The following SETBP1 variants were observed in gnomAD, a reference collection of about 807,000 sequenced individuals.
SETBP1 encodes SET-binding protein.
SETBP1 carries 9 observed loss-of-function variants against 101.0 expected under a neutral mutation model. That is an observed-to-expected ratio of 0.09 (90% CI 0.05 to 0.16). SETBP1 has a LOEUF of 0.16. Among genes scored for constraint, SETBP1 ranks in the 10% least tolerant of loss-of-function variants. SETBP1 has a pLI of 1.00. For synonymous variants in SETBP1, 818 were observed against 788.5 expected (o/e 1.04, Z -0.63); for missense variants, 1,858 against 2,033.8 (o/e 0.91, Z 1.66).
At chr18:44,816,206 G>A (rs1255691671) in intron 2 of SETBP1, among the ~76,000 whole-genome samples, 1 of 152,184 alleles carries the variant, frequency 6.6e-6, no homozygotes, top group Non-Finnish European at 1.5e-5. Context: ...TTTTCATTCT[G>A]TGCTGCAGTC....
intron 4 of SETBP1, among the ~76,000 whole-genome samples, chr18:45,007,335 C>T (rs1025369761): frequency 2.6e-5 from 4 of 152,118 alleles, no homozygotes; most frequent in African/African-American, 9.7e-5. Context: ...GCTCTGTCTT[C>T]TTCTAAATGT....
intron 2 of SETBP1, among the ~76,000 whole-genome samples, chr18:44,838,640 C>T (rs1032676699): frequency 6.6e-6 from 1 of 152,162 alleles, no homozygotes; most frequent in East Asian, 1.9e-4. Flanking sequence ...TGCTTATTGC[C>T]GCTAAGAGAA....
chr18:45,043,846 G>A (rs1414233303), intron 5 of SETBP1, among the ~76,000 whole-genome samples: 4 of 152,136 alleles, frequency 2.6e-5, no homozygotes, highest in Admixed American at 2.6e-4. Flanking sequence ...TATGAAATCA[G>A]AATGAAATTC....
chr18:45,014,879 T>C (rs981529907), intron 4 of SETBP1, among the ~76,000 whole-genome samples: 3 of 152,218 alleles, frequency 2.0e-5, no homozygotes, highest in African/African-American at 7.2e-5. Flanking sequence ...GAAAAGGTCT[T>C]AGAGAGTGCC....
At chr18:44,830,634 C>G (rs1347019289) in intron 2 of SETBP1, among the ~76,000 whole-genome samples, 1 of 152,140 alleles carries the variant, frequency 6.6e-6, no homozygotes, top group Non-Finnish European at 1.5e-5. Context: ...CAGATGGAAG[C>G]TGGGTGGGAC....
chr18:44,925,616 A>T lies in SETBP1; in HGVS notation c.541-24265A>T, dbSNP rs1447527077. On this transcript the variant is annotated intron_variant, in intron 3 of 5. Coordinates refer to ENST00000649279, the MANE Select transcript of SETBP1 (RefSeq NM_015559.3). ...TTAGAAAGTCTGTAGAAATAATATG[A>T]TTTTAAAGATTATACTAAACATTAT... is the stretch of plus-strand genomic sequence containing the variant. Among the ~76,000 whole-genome samples the T allele has an allele frequency of 4.6e-5, 7 of 152,296 alleles. No individual in the cohort carries two copies. The East Asian group carries it at 1.3e-3, about 29-fold the overall frequency.
At position 45,063,777 on chromosome 18, in the gene SETBP1, C is replaced by A. The variant is rs900049637; in HGVS notation, c.*79C>A. On this transcript the variant is annotated 3_prime_UTR_variant, in exon 6 of 6. Coordinates refer to ENST00000649279, the MANE Select transcript of SETBP1 (RefSeq NM_015559.3). The stretch of plus-strand genomic sequence containing the variant: ...CAGTGAGCCGGGGCGGGGGCGGAAT[C>A]CCCCGCTGCAGGGACACCCACGCCC... The A allele has an allele frequency of 1.5e-4, 219 of 1,484,640 alleles. No individual in the cohort carries two copies. Among genetic ancestry groups the A allele is most frequent in the Non-Finnish European group, 1.9e-4 (210 of 1,096,358 alleles). The allele number at this position is 1,484,640 out of a possible 1,614,324, so 92.0% of individuals were successfully genotyped here.
intron 3 of SETBP1, among the ~76,000 whole-genome samples, chr18:44,879,660 G>A (rs1026176983): frequency 6.6e-6 from 1 of 152,140 alleles, no homozygotes; most frequent in Admixed American, 6.5e-5. Flanking sequence ...CCTTTCACTA[G>A]GCTGTTTATG....
chr18:44,965,515 T>C (rs2145169316), intron 4 of SETBP1, among the ~76,000 whole-genome samples: 1 of 152,284 alleles, frequency 6.6e-6, no homozygotes, highest in African/African-American at 2.4e-5. Flanking sequence ...ATAGTTTCCA[T>C]TTCAAAAAGC....
intron 2 of SETBP1, among the ~76,000 whole-genome samples, chr18:44,707,345 CTAGT>C (rs2069243728): frequency 6.6e-6 from 1 of 152,226 alleles, no homozygotes; most frequent in South Asian, 2.1e-4. Flanking sequence ...TCAAAGCTCA[CTAGT>C]TAAAGCCCTA....
At chr18:44,895,063 A>G (rs1382888613) in intron 3 of SETBP1, among the ~76,000 whole-genome samples, 16 of 148,568 alleles carry the variant, frequency 1.1e-4, no homozygotes. Context: ...GCAGTGAGGT[A>G]TGATCATGCC....
intron 4 of SETBP1, among the ~76,000 whole-genome samples, chr18:44,972,801 A>G (rs941484446): frequency 2.6e-5 from 4 of 152,218 alleles, no homozygotes; most frequent in African/African-American, 9.7e-5. Flanking sequence ...TTTTCTACAT[A>G]TACAAACATG....
intron 1 of SETBP1, among the ~76,000 whole-genome samples, chr18:44,700,766 C>T (rs941431875): frequency 1.3e-5 from 2 of 152,108 alleles, no homozygotes; most frequent in Non-Finnish European, 2.9e-5. Flanking sequence ...GACAGAGAAG[C>T]GGTGCAAAAA....
chr18:44,957,421 C>G (rs1296650888), intron 4 of SETBP1, among the ~76,000 whole-genome samples: 1 of 152,024 alleles, frequency 6.6e-6, no homozygotes, highest in Non-Finnish European at 1.5e-5. Context: ...ACATGTGTTA[C>G]CTCTTAGTTT....
chr18:44,713,030 C>G (rs1342417339), intron 2 of SETBP1, among the ~76,000 whole-genome samples: 2 of 133,954 alleles, frequency 1.5e-5, no homozygotes, highest in Non-Finnish European at 3.1e-5. Flanking sequence ...GTGATCTCTG[C>G]TTACTGCAAG....
At chr18:45,047,301 CA>C (rs1472848561) in intron 5 of SETBP1, among the ~76,000 whole-genome samples, 3 of 152,120 alleles carry the variant, frequency 2.0e-5, no homozygotes, top group Non-Finnish European at 2.9e-5. Flanking sequence ...CATTTTATAT[CA>C]AATATTCAAG....
intron 4 of SETBP1, among the ~76,000 whole-genome samples, chr18:44,999,585 C>G (rs1200980090): frequency 6.6e-6 from 1 of 152,132 alleles, no homozygotes; most frequent in Non-Finnish European, 1.5e-5. Context: ...CACATAGGCA[C>G]AATAAGATAC....
intron 4 of SETBP1, among the ~76,000 whole-genome samples, chr18:44,981,763 T>TC (rs1182294960): frequency 2.0e-5 from 3 of 152,278 alleles, no homozygotes; most frequent in Middle Eastern, 3.4e-3. Flanking sequence ...TGCTTCTTTT[T>TC]CCCCCGCTTT....
chr18:44,740,653 T>C (rs1440618466), intron 2 of SETBP1, among the ~76,000 whole-genome samples: 3 of 152,238 alleles, frequency 2.0e-5, no homozygotes, highest in African/African-American at 7.2e-5. Context: ...AAGGATATGC[T>C]GCCTTTTGCT....
Sources: allele counts gnomAD v4.1 joint callset (sites outside exome capture counted in the v4.1 genomes callset), GRCh38; gene constraint gnomAD v4.1.1; transcripts MANE v1.5; gene names NCBI Gene and HGNC (gene_info 2026-07-23, HGNC 2026-07-21).